SLC38A6: variants seen among roughly 807,000 people sequenced by gnomAD.
SLC38A6 encodes solute carrier family 38 member 6, also known as N system amino acid transporter NAT-1.
A neutral mutation model predicts 65.0 loss-of-function variants in SLC38A6; 73 were observed. The ratio of observed to expected loss-of-function variants is 1.12; its 90% confidence interval spans 0.93 to 1.37. The LOEUF is 1.37. SLC38A6 is among the 40% of genes most tolerant of loss of function. The probability of loss-of-function intolerance (pLI) is 0.00; values close to 1 mark genes in which losing one functional copy is unlikely to be tolerated. For synonymous variants in SLC38A6, 183 were observed against 178.8 expected (o/e 1.02, Z -0.19); for missense variants, 561 against 531.1 (o/e 1.06, Z -0.55).
chr14:61,013,783 G>A (rs1427249912), intron 3 of SLC38A6, among the ~76,000 whole-genome samples: 3 of 152,100 alleles, frequency 2.0e-5, no homozygotes, highest in African/African-American at 7.2e-5. Flanking sequence ...TCCCATTGTG[G>A]GTAACCCGAC....
At chr14:61,051,033 A>G (rs891384978) in intron 13 of SLC38A6, among the ~76,000 whole-genome samples, 5 of 152,232 alleles carry the variant, frequency 3.3e-5, no homozygotes, top group African/African-American at 1.2e-4. Context: ...TTATTTTCAC[A>G]TAAGCATTCT....
chr14:61,048,851 A>G (rs184015008), intron 12 of SLC38A6, among the ~76,000 whole-genome samples: 8 of 152,296 alleles, frequency 5.3e-5, no homozygotes, highest in Non-Finnish European at 8.8e-5. Flanking sequence ...TTGTTAAGCA[A>G]GAAGTGTTAA....
downstream of SLC38A6, among the ~76,000 whole-genome samples, chr14:61,053,173 C>T (rs1297915845): frequency 6.6e-6 from 1 of 152,036 alleles, no homozygotes; most frequent in Non-Finnish European, 1.5e-5. Flanking sequence ...TAAAAGCCTC[C>T]ACCTCCATCC....
At chr14:60,988,798 A>G (rs1331459502) in intron 3 of SLC38A6, among the ~76,000 whole-genome samples, 1 of 152,186 alleles carries the variant, frequency 6.6e-6, no homozygotes, top group Non-Finnish European at 1.5e-5. Context: ...CTATCCCTTG[A>G]ACCATCATAT....
chr14:61,081,192 C>T (rs933320802), intron 16 of SLC38A6, among the ~76,000 whole-genome samples: 2 of 152,252 alleles, frequency 1.3e-5, no homozygotes, highest in East Asian at 1.9e-4. Context: ...ATTAGCCAGA[C>T]CTGGAAGCAG....
intron 8 of SLC38A6, among the ~76,000 whole-genome samples, chr14:61,042,438 G>A (rs976347120): frequency 6.6e-6 from 1 of 152,176 alleles, no homozygotes; most frequent in Non-Finnish European, 1.5e-5. Flanking sequence ...TGGTAATATT[G>A]ACAGAGCCAC....
intron 15 of SLC38A6, among the ~76,000 whole-genome samples, chr14:61,078,129 A>G (rs936699309): frequency 6.6e-6 from 1 of 152,252 alleles, no homozygotes; most frequent in Non-Finnish European, 1.5e-5. Context: ...CATGTGCCAC[A>G]TGCACATGAG....
chr14:61,024,623 C>A (rs2040513433), intron 5 of SLC38A6, among the ~76,000 whole-genome samples: 1 of 152,182 alleles, frequency 6.6e-6, no homozygotes, highest in Admixed American at 6.5e-5. Context: ...GTTCCTGTAA[C>A]AGTGTTGTAT....
At chr14:61,080,892 A>G (rs1355265224) in intron 16 of SLC38A6, among the ~76,000 whole-genome samples, 1 of 152,168 alleles carries the variant, frequency 6.6e-6, no homozygotes, top group Non-Finnish European at 1.5e-5. Context: ...TTTACACATG[A>G]TGTCACACAC....
At chr14:61,028,302 C>A (rs1028539615) in intron 5 of SLC38A6, among the ~76,000 whole-genome samples, 3 of 152,116 alleles carry the variant, frequency 2.0e-5, no homozygotes, top group African/African-American at 7.2e-5. Context: ...GAAAGATGGG[C>A]AGATAATAAA....
intron 15 of SLC38A6, among the ~76,000 whole-genome samples, chr14:61,071,205 T>C (rs557558738): frequency 8.5e-5 from 13 of 152,320 alleles, no homozygotes; most frequent in Admixed American, 7.2e-4. Context: ...TATTGAGGGA[T>C]TTTTTATTTT....
chr14:61,003,316 A>C (rs989938869), intron 3 of SLC38A6, among the ~76,000 whole-genome samples: 5 of 152,128 alleles, frequency 3.3e-5, no homozygotes, highest in Non-Finnish European at 5.9e-5. Flanking sequence ...GGGCATTTAA[A>C]TATTTTAAAT....
chr14:61,051,651 ATAGT>A (rs986886039), intron 13 of SLC38A6, 132 bp from the exon 14 acceptor site: 131 of 831,676 alleles, frequency 1.6e-4, no homozygotes, highest in Non-Finnish European at 3.2e-5. Context: ...CTTTATAATA[ATAGT>A]TTATGCTGTA....
chr14:60,997,875 CA>C (rs964112655), intron 3 of SLC38A6, among the ~76,000 whole-genome samples: 3 of 151,902 alleles, frequency 2.0e-5, no homozygotes, highest in African/African-American at 7.3e-5. Flanking sequence ...GGAGGTTGTT[CA>C]AAATAAAAAT....
At chr14:61,035,908 C>T (rs2041327628) in intron 6 of SLC38A6, among the ~76,000 whole-genome samples, 1 of 151,960 alleles carries the variant, frequency 6.6e-6, no homozygotes, top group Non-Finnish European at 1.5e-5. Flanking sequence ...TTAAGTATAT[C>T]CTTCTGGCTT....
chr14:61,012,583 G>T (rs968493127), intron 3 of SLC38A6, among the ~76,000 whole-genome samples: 1 of 152,142 alleles, frequency 6.6e-6, no homozygotes, highest in African/African-American at 2.4e-5. Context: ...GGTATGTTGT[G>T]TCTTTGTTCT....
chr14:61,079,448 A>G (rs900778200), intron 16 of SLC38A6, among the ~76,000 whole-genome samples: 6 of 151,732 alleles, frequency 4.0e-5, no homozygotes, highest in African/African-American at 1.5e-4. Context: ...CCTGCCTCCA[A>G]ACTTTTGCAC....
intron 1 of SLC38A6, chr14:60,981,735 G>A: frequency 3.1e-6 from 4 of 1,300,822 alleles, no homozygotes; most frequent in Non-Finnish European, 4.0e-6. Flanking sequence ...GTCTCGTGAG[G>A]TCTTTGCAAG....
chr14:61,039,003 T>G (rs997253856), intron 8 of SLC38A6, among the ~76,000 whole-genome samples: 7 of 152,220 alleles, frequency 4.6e-5, no homozygotes, highest in Non-Finnish European at 8.8e-5. Flanking sequence ...TGTATGGATA[T>G]TAAAGAGAAT....
Sources: gnomAD v4.1 joint callset for allele counts (sites outside exome capture counted in the v4.1 genomes callset) on GRCh38, gnomAD v4.1.1 for gene constraint, MANE v1.5 for transcripts, NCBI Gene and HGNC (gene_info 2026-07-23, HGNC 2026-07-21) for gene names.